Variants in MAGI2 observed in about 807,000 individuals in gnomAD.
MAGI2 encodes membrane-associated guanylate kinase, WW and PDZ domain-containing protein 2.
Under a neutral mutation model 133.3 loss-of-function variants are expected in MAGI2, and 35 were observed. The ratio of observed to expected loss-of-function variants is 0.26; its 90% confidence interval spans 0.20 to 0.35. MAGI2 has a LOEUF of 0.35. Ranked by LOEUF, MAGI2 falls within the 10% of genes least tolerant of loss-of-function variation. MAGI2 has a pLI of 1.00. For missense variants in MAGI2, 1,636 were observed against 1,863.4 expected (o/e 0.88, Z 2.25); for synonymous variants, 729 against 710.6 (o/e 1.03, Z -0.41).
chr7:78,266,649 C>T (rs1426609503), intron 9 of MAGI2, among the ~76,000 whole-genome samples: 1 of 151,936 alleles, frequency 6.6e-6, no homozygotes, highest in Non-Finnish European at 1.5e-5. Context: ...ATGATCTCAG[C>T]TTACTGCAAC....
chr7:78,857,110 G>C (rs1793716541), intron 2 of MAGI2, among the ~76,000 whole-genome samples: 1 of 152,206 alleles, frequency 6.6e-6, no homozygotes, highest in South Asian at 2.1e-4. Flanking sequence ...TTTGTATCCT[G>C]AGAATTTGCT....
intron 2 of MAGI2, among the ~76,000 whole-genome samples, chr7:78,678,902 A>T (rs1225080727): frequency 6.6e-6 from 1 of 152,180 alleles, no homozygotes; most frequent in Non-Finnish European, 1.5e-5. Flanking sequence ...AAAAGAAAGT[A>T]ACATTATTCC....
chr7:78,576,992 A>G (rs1161352296), intron 3 of MAGI2, among the ~76,000 whole-genome samples: 1 of 152,168 alleles, frequency 6.6e-6, no homozygotes, highest in Admixed American at 6.6e-5. Flanking sequence ...GTTAAAACAA[A>G]GTTGTTATGC....
chr7:78,227,924 A>G (rs1789569255), intron 10 of MAGI2, among the ~76,000 whole-genome samples: 1 of 151,046 alleles, frequency 6.6e-6, no homozygotes, highest in Non-Finnish European at 1.5e-5. Flanking sequence ...GTGAATGCCT[A>G]GACAACAGAC....
chr7:78,610,306 A>G (rs992475881), intron 3 of MAGI2, among the ~76,000 whole-genome samples: 3 of 152,148 alleles, frequency 2.0e-5, no homozygotes, highest in African/African-American at 7.2e-5. Context: ...GGACAGGCTG[A>G]CTTGGTTTCT....
At chr7:78,511,501 T>C (rs1200549391) in intron 4 of MAGI2, among the ~76,000 whole-genome samples, 2 of 148,892 alleles carry the variant, frequency 1.3e-5, no homozygotes, top group Non-Finnish European at 3.0e-5. Context: ...TATTTGCACA[T>C]TGTATAGTGA....
At chr7:79,423,483 C>G (rs2129181275) in intron 1 of MAGI2, among the ~76,000 whole-genome samples, 1 of 152,062 alleles carries the variant, frequency 6.6e-6, no homozygotes, top group East Asian at 1.9e-4. Flanking sequence ...CAATATCCAG[C>G]CCTCTACTAC....
At chr7:78,263,133 T>C (rs979842911) in intron 9 of MAGI2, among the ~76,000 whole-genome samples, 1 of 152,186 alleles carries the variant, frequency 6.6e-6, no homozygotes, top group Non-Finnish European at 1.5e-5. Context: ...TCTAGCTGCA[T>C]TCATGTTGCT....
intron 2 of MAGI2, among the ~76,000 whole-genome samples, chr7:78,761,171 A>G (rs531797642): frequency 2.0e-5 from 3 of 152,360 alleles, no homozygotes; most frequent in South Asian, 4.1e-4. Flanking sequence ...CAGTCAGTGT[A>G]TATAATAGAA....
At chr7:79,225,023 A>G (rs1830730791) in intron 1 of MAGI2, among the ~76,000 whole-genome samples, 2 of 152,184 alleles carry the variant, frequency 1.3e-5, no homozygotes, top group Non-Finnish European at 2.9e-5. Flanking sequence ...ACTTTTGTCC[A>G]TCTATTCATG....
intron 6 of MAGI2, among the ~76,000 whole-genome samples, chr7:78,450,843 A>C (rs1692552424): frequency 6.6e-6 from 1 of 152,098 alleles, no homozygotes; most frequent in Admixed American, 6.6e-5. Context: ...CTACTCATTC[A>C]TTCAATACTT....
At chr7:78,709,576 A>C (rs1046639339) in intron 2 of MAGI2, among the ~76,000 whole-genome samples, 2 of 152,156 alleles carry the variant, frequency 1.3e-5, no homozygotes, top group Non-Finnish European at 2.9e-5. Flanking sequence ...TTTTGTGACT[A>C]TACTGAGCAC....
At chr7:78,911,939 A>C (rs1448536444) in intron 2 of MAGI2, among the ~76,000 whole-genome samples, 1 of 152,174 alleles carries the variant, frequency 6.6e-6, no homozygotes, top group East Asian at 1.9e-4. Flanking sequence ...TGAGGCCATA[A>C]AAAAGAGCAA....
chr7:78,924,796 G>T (rs562754841), intron 2 of MAGI2, among the ~76,000 whole-genome samples: 1 of 151,788 alleles, frequency 6.6e-6, no homozygotes, highest in African/African-American at 2.4e-5. Flanking sequence ...TTGAACAACA[G>T]TTCCCCCTAC....
chr7:79,249,517 G>A (rs565408251), intron 1 of MAGI2, among the ~76,000 whole-genome samples: 8 of 152,074 alleles, frequency 5.3e-5, no homozygotes, highest in African/African-American at 1.9e-4. Context: ...GCTACTATGA[G>A]CAATTATATG....
At chr7:78,752,884 G>C (rs1823586224) in intron 2 of MAGI2, among the ~76,000 whole-genome samples, 1 of 152,182 alleles carries the variant, frequency 6.6e-6, no homozygotes, top group African/African-American at 2.4e-5. Flanking sequence ...CTCTGTCTAT[G>C]CAGAGTCCAG....
chr7:78,156,426 C>T (rs1329211509), intron 16 of MAGI2, among the ~76,000 whole-genome samples: 1 of 152,154 alleles, frequency 6.6e-6, no homozygotes, highest in Non-Finnish European at 1.5e-5. Flanking sequence ...AAACTCTGCA[C>T]TACTCGACAA....
chr7:79,144,290 C>T lies in MAGI2; in HGVS notation c.302-137084G>A, dbSNP rs1323639915. Among the ~76,000 whole-genome samples the T allele has an allele frequency of 3.3e-5, 5 of 152,132 alleles. No individual in the cohort carries two copies. The East Asian group carries it at 5.8e-4, about 18-fold the overall frequency. Reference sequence around the variant, plus strand: ...TTTGGATTTGTGTCTCCAAATCTCACGTGGAATTGTAATCCCCAGTGGTTG... The same window carrying T: ...TTTGGATTTGTGTCTCCAAATCTCATGTGGAATTGTAATCCCCAGTGGTTG... On this transcript the variant is annotated intron_variant, in intron 1 of 21. Transcript: ENST00000354212.
Position 78,926,484 on chromosome 7 carries a change from G to C in MAGI2, c.418+80606C>G, listed in dbSNP as rs189246563. On this transcript the variant is annotated intron_variant, in intron 2 of 21. Coordinates refer to ENST00000354212, the MANE Select transcript of MAGI2 (RefSeq NM_012301.4). Reference sequence around the variant, plus strand: ...ACAGAATTGCCTGTAGTTGCCTCCAGTCTCCCAGTTGCCCTATGCCATCCA... The same window carrying C: ...ACAGAATTGCCTGTAGTTGCCTCCACTCTCCCAGTTGCCCTATGCCATCCA... Among the ~76,000 whole-genome samples, 297 of 152,072 alleles carry C rather than the reference G, an allele frequency of 2.0e-3. 4 individuals are homozygous for C. The highest frequency in any genetic ancestry group is 6.9e-4 in the Non-Finnish European group (47 of 67,932).
Sources: gnomAD v4.1 joint callset for allele counts (sites outside exome capture counted in the v4.1 genomes callset) on GRCh38, gnomAD v4.1.1 for gene constraint, MANE v1.5 for transcripts, NCBI Gene and HGNC (gene_info 2026-07-23, HGNC 2026-07-21) for gene names.